Variants in ZFAND3 observed in about 807,000 individuals in gnomAD.
ZFAND3 encodes the protein AN1-type zinc finger protein 3.
A neutral mutation model predicts 29.6 loss-of-function variants in ZFAND3; 10 were observed. That is an observed-to-expected ratio of 0.34 (90% CI 0.21 to 0.57). ZFAND3 has a LOEUF of 0.57. ZFAND3 is among the 20% of genes least tolerant of loss of function. The probability of loss-of-function intolerance (pLI) is 0.86; values close to 1 mark genes in which losing one functional copy is unlikely to be tolerated. For missense variants in ZFAND3, 230 were observed against 304.5 expected (o/e 0.76, Z 1.82); for synonymous variants, 128 against 112.6 (o/e 1.14, Z -0.87).
chr6:38,105,970 A>T (rs1170462611), intron 4 of ZFAND3, among the ~76,000 whole-genome samples: 1 of 152,062 alleles, frequency 6.6e-6, no homozygotes, highest in Non-Finnish European at 1.5e-5. Context: ...CCAAGAAAAA[A>T]ATTGAGCCCC....
rs1462358875 is a variant in ZFAND3, at chr6:38,045,053, CTTTTATTTATTTATTTAT to C, written c.113-16537_113-16520del. Among the ~76,000 whole-genome samples, 10 of 114,570 alleles carry C rather than the reference CTTTTATTTATTTATTTAT, an allele frequency of 8.7e-5. No homozygotes were observed. In the East Asian group the frequency reaches 2.2e-3, roughly 25 times the overall value. The allele number at this position is 114,570 out of a possible 152,430, so 75.2% of individuals were successfully genotyped here. ...GCTGTCATCTCCCCATGTGGAAATT[CTTTTATTTATTTATTTAT>C]TTATTTATTTATTTATTTATTTATT... On this transcript the variant is annotated intron_variant, in intron 2 of 5. Coordinates refer to ENST00000287218, the MANE Select transcript of ZFAND3 (RefSeq NM_021943.3).
At chr6:37,835,836 A>G (rs1282819292) in intron 1 of ZFAND3, among the ~76,000 whole-genome samples, 1 of 152,192 alleles carries the variant, frequency 6.6e-6, no homozygotes, top group Non-Finnish European at 1.5e-5. Flanking sequence ...CCAAATGAGC[A>G]TATACATTTC....
intron 2 of ZFAND3, among the ~76,000 whole-genome samples, chr6:38,013,856 A>G (rs941109152): frequency 2.6e-5 from 4 of 152,350 alleles, no homozygotes; most frequent in Admixed American, 2.6e-4. Flanking sequence ...GATGTTCAGC[A>G]AAAGTTAATG....
chr6:37,867,759 T>TG (rs1764614830), intron 1 of ZFAND3, among the ~76,000 whole-genome samples: 1 of 152,244 alleles, frequency 6.6e-6, no homozygotes, highest in Admixed American at 6.5e-5. Context: ...TTGATAAAGT[T>TG]CCCAAAGTAT....
intron 2 of ZFAND3, among the ~76,000 whole-genome samples, chr6:38,014,366 G>A (rs955617901): frequency 3.8e-4 from 57 of 151,268 alleles, no homozygotes; most frequent in Middle Eastern, 3.4e-3. Flanking sequence ...CACTCTTGTC[G>A]CCTAGGCTGG....
chr6:38,060,698 G>A (rs975063155), intron 2 of ZFAND3, among the ~76,000 whole-genome samples: 18 of 152,020 alleles, frequency 1.2e-4, no homozygotes, highest in African/African-American at 3.1e-4. Flanking sequence ...CAGTCCTCCC[G>A]CCTCAGTCTT....
chr6:38,043,269 C>T (rs945531050), intron 2 of ZFAND3, among the ~76,000 whole-genome samples: 2 of 151,492 alleles, frequency 1.3e-5, no homozygotes, highest in African/African-American at 4.9e-5. Flanking sequence ...CTGTGAGCCA[C>T]CATGCCCAGC....
intron 4 of ZFAND3, among the ~76,000 whole-genome samples, chr6:38,093,614 G>A (rs993614458): frequency 1.5e-4 from 23 of 152,284 alleles, no homozygotes; most frequent in Non-Finnish European, 2.9e-4. Context: ...GATCATGAAA[G>A]ATGCATGAGA....
intron 2 of ZFAND3, among the ~76,000 whole-genome samples, chr6:37,962,501 G>A (rs1001845356): frequency 1.7e-4 from 26 of 152,294 alleles, no homozygotes; most frequent in Admixed American, 1.3e-4. Context: ...AGGTGAAGCC[G>A]GCTGGGCTTC....
intron 2 of ZFAND3, among the ~76,000 whole-genome samples, chr6:37,944,772 G>T (rs964900105): frequency 2.0e-5 from 3 of 152,214 alleles, no homozygotes; most frequent in African/African-American, 7.2e-5. Context: ...ATGCCAGTGG[G>T]ACATCAACTC....
chr6:37,998,414 G>A (rs749515008), intron 2 of ZFAND3, among the ~76,000 whole-genome samples: 14 of 151,760 alleles, frequency 9.2e-5, no homozygotes, highest in Non-Finnish European at 2.1e-4. Flanking sequence ...AACTTTTGCA[G>A]CACAAAGAAT....
Position 37,892,958 on chromosome 6 carries a change from A to G in ZFAND3, c.72-37001A>G, listed in dbSNP as rs59859268. Among the ~76,000 whole-genome samples the G allele has an allele frequency of 0.017, 2,589 of 152,270 alleles. 253 individuals carry two copies. The East Asian group carries it at 0.28, about 16-fold the overall frequency. On this transcript the variant is annotated intron_variant, in intron 1 of 5. Transcript: ENST00000287218. ...AAGTGCAGAGATTGATTCAGTAATT[A>G]AAAAGCTACCTCTTAAGAAAAACTT...
At chr6:37,845,426 G>C (rs1202513841) in intron 1 of ZFAND3, among the ~76,000 whole-genome samples, 1 of 152,074 alleles carries the variant, frequency 6.6e-6, no homozygotes. Flanking sequence ...GTTGGCAGAA[G>C]GGTAAACATA....
At chr6:37,971,809 T>C (rs554935335) in intron 2 of ZFAND3, among the ~76,000 whole-genome samples, 28 of 138,186 alleles carry the variant, frequency 2.0e-4, no homozygotes, top group Admixed American at 1.3e-3. Flanking sequence ...GGCAAAATAG[T>C]GAGACCCCAT....
intron 5 of ZFAND3, among the ~76,000 whole-genome samples, chr6:38,131,147 T>C (rs1190061196): frequency 2.6e-5 from 4 of 152,224 alleles, no homozygotes; most frequent in Non-Finnish European, 5.9e-5. Context: ...GTGTTGTCAG[T>C]TGTAATCTCT....
In ZFAND3 at chr6:38,069,447, A is replaced by C. The variant is rs139138700; in HGVS notation, c.295+7672A>C. Reference sequence around the variant, plus strand: ...AGTTTTTCCGATATATAATAGTCTCAAAGTGGAAGATTCTTTCCCATAATG... The same window carrying C: ...AGTTTTTCCGATATATAATAGTCTCCAAGTGGAAGATTCTTTCCCATAATG... On this transcript the variant is annotated intron_variant, in intron 3 of 5. Coordinates refer to ENST00000287218, the MANE Select transcript of ZFAND3 (RefSeq NM_021943.3). Among the ~76,000 whole-genome samples, 128 of 152,348 alleles carry C rather than the reference A, an allele frequency of 8.4e-4. 1 individual carries two copies. The highest frequency in any genetic ancestry group is 3.4e-3 in the Middle Eastern group (1 of 294).
At chr6:38,014,377 A>G (rs576747612) in intron 2 of ZFAND3, among the ~76,000 whole-genome samples, 19 of 151,714 alleles carry the variant, frequency 1.3e-4, no homozygotes, top group African/African-American at 4.4e-4. Flanking sequence ...CCTAGGCTGG[A>G]GTGCCGTGGC....
intron 5 of ZFAND3, among the ~76,000 whole-genome samples, chr6:38,121,443 G>A (rs1765532001): frequency 1.3e-5 from 2 of 152,184 alleles, no homozygotes; most frequent in Admixed American, 6.5e-5. Flanking sequence ...CAATTTACCT[G>A]GAGGGCATGT....
intron 1 of ZFAND3, among the ~76,000 whole-genome samples, chr6:37,912,349 A>G (rs1401552746): frequency 6.6e-6 from 1 of 152,206 alleles, no homozygotes; most frequent in Non-Finnish European, 1.5e-5. Context: ...GTGGCTCAAT[A>G]GAAAACTTGA....
Sources: gnomAD v4.1 joint callset for allele counts (sites outside exome capture counted in the v4.1 genomes callset) on GRCh38, gnomAD v4.1.1 for gene constraint, MANE v1.5 for transcripts, NCBI Gene and HGNC (gene_info 2026-07-23, HGNC 2026-07-21) for gene names.